TTN: variants seen among roughly 807,000 people sequenced by gnomAD.
The protein encoded by TTN is connectin.
TTN carries 1,525 observed loss-of-function variants against 3,223.0 expected under a neutral mutation model. The observed-to-expected ratio is 0.47, with a 90% CI of 0.45 to 0.49. The LOEUF (loss-of-function observed/expected upper bound fraction) is 0.49, where lower values mean the gene tolerates loss of function less well. Ranked by LOEUF, TTN falls within the 20% of genes least tolerant of loss-of-function variation. The probability of loss-of-function intolerance (pLI) is 0.00; values close to 1 mark genes in which losing one functional copy is unlikely to be tolerated. For missense variants in TTN, 40,786 were observed against 43,424.0 expected (o/e 0.94, Z 5.40); for synonymous variants, 14,094 against 15,161.0 (o/e 0.93, Z 5.17).
intron 46 of TTN, chr2:178,753,499 C>T (rs1219980942): frequency 9.1e-6 from 2 of 220,984 alleles, no homozygotes; most frequent in Non-Finnish European, 1.8e-5. Flanking sequence ...AAAAAATGTC[C>T]TATTGACTAA....
chr2:178,752,731 A>G (rs951896285), intron 47 of TTN, among the ~76,000 whole-genome samples: 42 of 152,216 alleles, frequency 2.8e-4, no homozygotes, highest in African/African-American at 1.0e-3. Context: ...CATTCATGAC[A>G]TTGCATTCTG....
Position 178,773,744 on chromosome 2 carries a change from A to T in TTN, c.7331-19T>A, listed in dbSNP as rs1396502595. Reference sequence around the variant, plus strand: ...TCCACACCTGCAAAATCATACACACACAAGATGAATGAATTTTGTTGAAAT... The same window carrying T: ...TCCACACCTGCAAAATCATACACACTCAAGATGAATGAATTTTGTTGAAAT... On this transcript the variant is annotated intron_variant, in intron 31 of 362. Transcript: ENST00000589042. 1.2e-6 allele frequency: 2 copies of T among 1,614,084 alleles called. No homozygotes were observed. The highest frequency in any genetic ancestry group is 2.2e-5 in the South Asian group (2 of 91,080).
At position 178,674,600 on chromosome 2, in the gene TTN, A is replaced by G. The variant is rs952804241; in HGVS notation, c.34613-191T>C. 1.1e-4 allele frequency among the ~76,000 whole-genome samples: 17 copies of G among 151,322 alleles called. No individual in the cohort carries two copies. In the East Asian group the frequency reaches 3.3e-3, roughly 29 times the overall value. On this transcript the variant is annotated intron_variant, in intron 150 of 362. Coordinates refer to ENST00000589042, the MANE Select transcript of TTN (RefSeq NM_001267550.2). ...ATTTGTGAACTGGAAAGGACTTCAG[A>G]TAATTTATAATAATAAAAAAATTAT...
rs1696025684 is a variant in TTN, at chr2:178,544,326, G to T, written c.95903C>A (p.Thr31968Asn). 2 of 1,613,594 alleles carry T rather than the reference G, an allele frequency of 1.2e-6. No homozygotes were observed. The highest frequency in any genetic ancestry group is 8.5e-7 in the Non-Finnish European group (1 of 1,179,724). ...TTTAAGGTCTGGCACAGTGAATTCA[G>T]TATTTCTTATTGTGGCATTGGTATG... is the stretch of plus-strand genomic sequence containing the variant. Reference protein sequence around the residue: ...RVHTNATIRNTEFTVPDLKMG... With the variant: ...RVHTNATIRNNEFTVPDLKMG... The change falls in exon 345 of 363, where the codon ACT becomes AAT. Residue 31968 changes from threonine to asparagine, a missense_variant. By Grantham distance (65) the Thr-to-Asn change is moderately conservative (BLOSUM62 0). Coordinates refer to ENST00000589042, the MANE Select transcript of TTN (RefSeq NM_001267550.2).
chr2:178,778,015 A>C (rs752307956), intron 24 of TTN, 40 bp from the exon 25 acceptor site: 1 of 1,601,428 alleles, frequency 6.2e-7, no homozygotes, highest in East Asian at 2.2e-5. Flanking sequence ...TGAGGCATAA[A>C]GAAAACTCAG....
rs2065621400 is a variant in TTN, at chr2:178,664,856, A to T, written c.36114T>A (p.Val12038=). The change falls in exon 166 of 363, where the codon GTT becomes GTA. Residue 12038 remains valine (V), a synonymous_variant. Transcript: ENST00000589042. Reference sequence around the variant, plus strand: ...TGAGAGCATGGTGACTTGTACCTTTAACTGATGGGGGTTCTCTTTTTTTGG... The same window carrying T: ...TGAGAGCATGGTGACTTGTACCTTTTACTGATGGGGGTTCTCTTTTTTTGG... ...VPSKKREPPS[V]KVPEALQEIV... The T allele has an allele frequency of 6.2e-7, 1 of 1,611,464 alleles. No individual in the cohort carries two copies. The highest frequency in any genetic ancestry group is 1.1e-5 in the South Asian group (1 of 90,906).
rs746218913 is a variant in TTN, at chr2:178,599,613, G to A, written c.56288C>T (p.Thr18763Ile). The change falls in exon 289 of 363, where the codon ACC becomes ATC. Residue 18763 changes from threonine (T) to isoleucine (I), a missense_variant. Coordinates refer to ENST00000589042, the MANE Select transcript of TTN (RefSeq NM_001267550.2). ...QSRRSDTGLYTITAVNNLGTA... is the reference protein window; with the variant it reads ...QSRRSDTGLYIITAVNNLGTA... ...TCCCAGATTATTTACAGCTGTGATG[G>A]TATATAAGCCAGTGTCACTCCTGCG... The A allele has an allele frequency of 1.2e-5, 19 of 1,609,468 alleles. No homozygotes were observed. The highest frequency in any genetic ancestry group is 1.4e-5 in the Non-Finnish European group (17 of 1,177,656).
In TTN at chr2:178,536,405, G is replaced by A. The variant is rs1168878579; in HGVS notation, c.100342C>T (p.Arg33448Ter). The A allele has an allele frequency of 1.9e-6, 3 of 1,613,622 alleles. No homozygotes were observed. Among genetic ancestry groups the A allele is most frequent in the South Asian group, 2.2e-5 (2 of 91,056 alleles). ...TTTTTCACTGAAAAGACAGTTTCTC[G>A]AATTTCTTCTGTTGTCACAGAAATC... ...KWISVTTEEI[R>*]ETVFSVKNLI... is the part of the protein sequence containing the mutation. The change falls in exon 357 of 363, where the codon CGA (arginine) becomes TGA (stop). Residue 33448 changes from arginine (R) to a stop codon, truncating the protein, a stop_gained. Transcript: ENST00000589042. LOFTEE classifies it high-confidence loss of function.
At chr2:178,616,309 G>T (rs147858173) in intron 257 of TTN, among the ~76,000 whole-genome samples, 170 bp downstream of exon 257, 1 of 151,894 alleles carries the variant, frequency 6.6e-6, no homozygotes, top group African/African-American at 2.4e-5. Context: ...CCTTGGTTGA[G>T]CTACCTCAGG....
chr2:178,741,178 C>T lies in TTN; in HGVS notation c.12055G>A (p.Glu4019Lys). The T allele has an allele frequency of 1.9e-6, 3 of 1,613,456 alleles. No homozygotes were observed. Among genetic ancestry groups the T allele is most frequent in the Middle Eastern group, 1.7e-4 (1 of 6,058 alleles). The stretch of plus-strand genomic sequence containing the variant: ...AGCAGCTCTGCTGCACAGGTGGACT[C>T]ACCCAACATATTCTCTGCTTTACAG... The part of the protein sequence containing the change: ...YICKAENMLG[E>K]STCAAELLVL... Residue 4019 changes from glutamate to lysine, a missense_variant, in exon 48 of 363, where the codon GAG (glutamate) becomes AAG (lysine). By Grantham distance (56) the Glu-to-Lys change is moderately conservative (BLOSUM62 1). Coordinates refer to ENST00000589042, the MANE Select transcript of TTN (RefSeq NM_001267550.2).
chr2:178,530,290 T>C lies in TTN; in HGVS notation c.106325A>G (p.Lys35442Arg), dbSNP rs1688520726. The part of the protein sequence containing the change: ...SSDSVAKFAV[K>R]ATGEPRPTAI... ...AGTTGGCCGGGGTTCTCCAGTAGCC[T>C]TAACTGCAAATTTAGCAACACTGTC... The change falls in exon 358 of 363, where the codon AAG (lysine) becomes AGG (arginine). Residue 35442 changes from lysine to arginine, a missense_variant. Lys to Arg is a conservative substitution (Grantham distance 26). Transcript: ENST00000589042. The C allele has an allele frequency of 6.2e-7, 1 of 1,613,338 alleles. No individual in the cohort carries two copies. The highest frequency in any genetic ancestry group is 8.5e-7 in the Non-Finnish European group (1 of 1,179,344).
In TTN at chr2:178,532,501, A is replaced by G. The variant is rs1206781728; in HGVS notation, c.104114T>C (p.Leu34705Pro). 1 of 1,613,990 alleles carries G rather than the reference A, an allele frequency of 6.2e-7. No homozygotes were observed. The highest frequency in any genetic ancestry group is 8.5e-7 in the Non-Finnish European group (1 of 1,179,868). ...PPSRSPPHFE[L>P]SSLRYSSPQA... Reference sequence around the variant, plus strand: ...TGGTGAAGAGTAACGTAGGCTAGAAAGCTCAAAGTGTGGAGGGCTTCGACT... The same window carrying G: ...TGGTGAAGAGTAACGTAGGCTAGAAGGCTCAAAGTGTGGAGGGCTTCGACT... The change falls in exon 358 of 363, where the codon CTT becomes CCT. Residue 34705 changes from leucine to proline, a missense_variant. Physicochemically the swap from Leu to Pro is moderately conservative, Grantham distance 98. Coordinates refer to ENST00000589042, the MANE Select transcript of TTN (RefSeq NM_001267550.2).
In TTN at chr2:178,547,661, G is replaced by A. The variant is rs879213271; in HGVS notation, c.93965C>T (p.Ser31322Leu). 1 of 1,613,896 alleles carries A rather than the reference G, an allele frequency of 6.2e-7. No individual in the cohort carries two copies. The highest frequency in any genetic ancestry group is 8.5e-7 in the Non-Finnish European group (1 of 1,179,836). ...VTGPIEVSSV[S>L]AESCVLSWGE... ...CCATGACAGGACACACGATTCAGCT[G>A]AGACAGATGAGACCTCAATGGGGCC... Residue 31322 changes from serine to leucine, a missense_variant, in exon 339 of 363, where the codon TCA (serine) becomes TTA (leucine). Coordinates refer to ENST00000589042, the MANE Select transcript of TTN (RefSeq NM_001267550.2).
Position 178,775,553 on chromosome 2 carries a change from TTC to T in TTN, c.6309_6310del (p.Lys2104ThrfsTer6). 1 of 1,614,014 alleles carries T rather than the reference TTC, an allele frequency of 6.2e-7. No individual in the cohort carries two copies. Among genetic ancestry groups the T allele is most frequent in the Non-Finnish European group, 8.5e-7 (1 of 1,179,988 alleles). On this transcript the variant is annotated frameshift_variant, in exon 28 of 363. Coordinates refer to ENST00000589042, the MANE Select transcript of TTN (RefSeq NM_001267550.2). LOFTEE classifies it high-confidence loss of function. Reference sequence around the variant, plus strand: ...GTACCATTCACATTCGGGGTCTGGTTTCCCCACGACTCTGACCCGGAAGTGTG... The same window carrying T: ...GTACCATTCACATTCGGGGTCTGGTTCCCACGACTCTGACCCGGAAGTGTG...
Position 178,578,098 on chromosome 2 carries a change from G to A in TTN, c.68417C>T (p.Thr22806Ile), listed in dbSNP as rs727503573. The A allele has an allele frequency of 3.5e-5, 56 of 1,613,104 alleles. No homozygotes were observed. In the South Asian group the frequency reaches 4.8e-4, roughly 14 times the overall value. ...TPIRMRDFKV[T>I]GLTEGLEYEF... ...ATATTCAAGACCTTCAGTTAATCCT[G>A]TCACTTTAAAGTCTCTCATCCTTAT... Residue 22806 changes from threonine (T) to isoleucine (I), a missense_variant, in exon 322 of 363, where the codon ACA (threonine) becomes ATA (isoleucine). Coordinates refer to ENST00000589042, the MANE Select transcript of TTN (RefSeq NM_001267550.2).
rs758425867 is a variant in TTN, at chr2:178,590,735, G to T, written c.60990C>A (p.Phe20330Leu). The change falls in exon 304 of 363, where the codon TTC becomes TTA. Residue 20330 changes from phenylalanine (F) to leucine (L), a missense_variant. By Grantham distance (22) the Phe-to-Leu change is conservative. Coordinates refer to ENST00000589042, the MANE Select transcript of TTN (RefSeq NM_001267550.2). ...VNKTPIADLK[F>L]RVTGLYEGNT... is the part of the protein sequence containing the mutation. ...TTCCTTCATAGAGTCCAGTCACTCT[G>T]AACTTCAGGTCAGCGATAGGTGTTT... 14 of 1,612,034 alleles carry T rather than the reference G, an allele frequency of 8.7e-6. No individual in the cohort carries two copies. In the South Asian group the frequency reaches 1.3e-4, roughly 15 times the overall value.
intron 218 of TTN, among the ~76,000 whole-genome samples, chr2:178,642,596 A>G (rs1004305946): frequency 6.6e-6 from 1 of 151,990 alleles, no homozygotes; most frequent in Non-Finnish European, 1.5e-5. Flanking sequence ...TGACTTTATG[A>G]ATCTTTCATC....
At chr2:178,709,529 A>G (rs748396863) in intron 99 of TTN, 37 bp downstream of exon 99, 1 of 1,571,962 alleles carries the variant, frequency 6.4e-7, no homozygotes, top group Non-Finnish European at 8.7e-7. Context: ...GGCAGTGAAG[A>G]AAAACACAAC....
chr2:178,742,374 T>C (rs2082651148), intron 47 of TTN, among the ~76,000 whole-genome samples: 2 of 152,164 alleles, frequency 1.3e-5, no homozygotes, highest in Admixed American at 1.3e-4. Flanking sequence ...AAATAAACCA[T>C]TGATGTTCTA....
Sources: allele counts gnomAD v4.1 joint callset (sites outside exome capture counted in the v4.1 genomes callset), GRCh38; gene constraint gnomAD v4.1.1; transcripts MANE v1.5; gene names NCBI Gene and HGNC (gene_info 2026-07-23, HGNC 2026-07-21).